Variants in FBXO16 observed in about 807,000 individuals in gnomAD.
FBXO16 encodes F-box only protein 16.
FBXO16 carries 31 observed loss-of-function variants against 41.0 expected under a neutral mutation model. That is an observed-to-expected ratio of 0.76 (90% CI 0.57 to 1.02). The LOEUF (loss-of-function observed/expected upper bound fraction) is 1.02. Ranked by LOEUF, FBXO16 falls within the 50% of genes least tolerant of loss-of-function variation. The pLI is 0.00. For synonymous variants in FBXO16, 133 were observed against 117.8 expected, an observed-to-expected ratio of 1.13 and a Z score of -0.84; for missense variants, 361 against 346.2, an observed-to-expected ratio of 1.04 and a Z score of -0.34.
In FBXO16 at chr8:28,465,170, T is replaced by C. The variant is rs1803214428; in HGVS notation, c.136-1352A>G. ...TTGATATATATTTTTTAATTAGTAG[T>C]GTTAAAAAACAAAATGTCAACAAAT... On this transcript the variant is annotated intron_variant, in intron 3 of 8. Transcript: ENST00000380254. The C allele has an allele frequency of 1.9e-5, 3 of 161,892 alleles. No homozygotes were observed. In the Admixed American group the frequency reaches 1.9e-4, roughly 10 times the overall value. The allele number at this position is 161,892 out of a possible 1,614,324, so 10.0% of individuals were successfully genotyped here.
chr8:28,466,841 T>C (rs1803251679), intron 3 of FBXO16, among the ~76,000 whole-genome samples: 1 of 151,950 alleles, frequency 6.6e-6, no homozygotes, highest in African/African-American at 2.4e-5. Flanking sequence ...AGCTGGGGAG[T>C]GAAGGCAGAT....
intron 3 of FBXO16, among the ~76,000 whole-genome samples, chr8:28,468,704 T>C (rs996726426): frequency 6.6e-6 from 1 of 151,970 alleles, no homozygotes; most frequent in Non-Finnish European, 1.5e-5. Flanking sequence ...AATAAAAAGA[T>C]GGGCATGTTG....
chr8:28,434,732 T>A (rs1470373451), intron 7 of FBXO16, among the ~76,000 whole-genome samples: 1 of 152,240 alleles, frequency 6.6e-6, no homozygotes. Context: ...AGGGGTGCCC[T>A]GTCTACTGGG....
chr8:28,457,062 G>A (rs981963789), intron 4 of FBXO16, 132 bp from the exon 5 acceptor site: 40 of 860,486 alleles, frequency 4.6e-5, no homozygotes, highest in Non-Finnish European at 6.7e-5. Flanking sequence ...CCAAACCATA[G>A]CTTAAATGGT....
intron 5 of FBXO16, among the ~76,000 whole-genome samples, chr8:28,454,205 A>G (rs1466488732): frequency 6.6e-6 from 1 of 151,802 alleles, no homozygotes; most frequent in Non-Finnish European, 1.5e-5. Context: ...TTAAGAAGAC[A>G]TTTCATATTT....
intron 2 of FBXO16, among the ~76,000 whole-genome samples, chr8:28,481,053 G>A (rs1305647905): frequency 1.7e-5 from 2 of 117,732 alleles, no homozygotes. Flanking sequence ...GGGTTCACTC[G>A]GGGGCCCCGA....
At chr8:28,457,032 A>C in intron 4 of FBXO16, 102 bp from the exon 5 acceptor site, 1 of 1,313,936 alleles carries the variant, frequency 7.6e-7, no homozygotes, top group Non-Finnish European at 1.0e-6. Context: ...GACCTGAGAA[A>C]ACTTTTTTGT....
intron 2 of FBXO16, among the ~76,000 whole-genome samples, chr8:28,481,687 G>A (rs1280913199): frequency 6.6e-6 from 1 of 151,956 alleles, no homozygotes; most frequent in East Asian, 1.9e-4. Context: ...GTGTGCGCCT[G>A]TAGTCCCAGC....
chr8:28,450,449 T>C (rs1290232422), intron 6 of FBXO16, among the ~76,000 whole-genome samples: 1 of 152,170 alleles, frequency 6.6e-6, no homozygotes, highest in Admixed American at 6.5e-5. Context: ...TTTAGACAAA[T>C]TGGACTTCAT....
At chr8:28,467,135 G>A (rs1803257166) in intron 3 of FBXO16, among the ~76,000 whole-genome samples, 1 of 152,092 alleles carries the variant, frequency 6.6e-6, no homozygotes, top group East Asian at 1.9e-4. Flanking sequence ...GCAGTGCTAT[G>A]TGAGTCTGGT....
At chr8:28,454,029 G>A (rs1387888376) in intron 5 of FBXO16, among the ~76,000 whole-genome samples, 1 of 151,946 alleles carries the variant, frequency 6.6e-6, no homozygotes, top group Non-Finnish European at 1.5e-5. Context: ...AGCCAGGTGT[G>A]GTGGCGCATG....
At chr8:28,440,073 G>T (rs908079532) in intron 7 of FBXO16, among the ~76,000 whole-genome samples, 1 of 149,508 alleles carries the variant, frequency 6.7e-6, no homozygotes, top group Non-Finnish European at 1.5e-5. Context: ...AACCCATGGG[G>T]CCCCATAGCA....
rs116123545 is a variant in FBXO16 at position 28,432,706 on chromosome 8, G to A, written c.844-3303C>T. Among the ~76,000 whole-genome samples the A allele has an allele frequency of 4.8e-3, 733 of 152,218 alleles. 4 individuals are homozygous for A. The highest frequency in any genetic ancestry group is 0.016 in the African/African-American group (661 of 41,534). ...GCTGTCTGCTTTCTGGTAGGTGGAC[G>A]TTGCCAATGGCCATGCCGTCCATCA... On this transcript the variant is annotated intron_variant, in intron 7 of 8. Coordinates refer to ENST00000380254, the MANE Select transcript of FBXO16 (RefSeq NM_172366.4).
At chr8:28,477,378 C>T (rs1220429278) in intron 2 of FBXO16, among the ~76,000 whole-genome samples, 4 of 152,172 alleles carry the variant, frequency 2.6e-5, no homozygotes, top group East Asian at 3.8e-4. Context: ...GCTGTCTCCT[C>T]GGGCATCTAT....
chr8:28,437,834 C>G (rs1452512393), intron 7 of FBXO16, among the ~76,000 whole-genome samples: 2 of 152,076 alleles, frequency 1.3e-5, no homozygotes, highest in African/African-American at 4.8e-5. Context: ...GATTGCACTG[C>G]TCCAGTCCAG....
intron 3 of FBXO16, 51 bp from the exon 4 acceptor site, chr8:28,463,869 TAGC>T: frequency 6.5e-7 from 1 of 1,541,520 alleles, no homozygotes; most frequent in Non-Finnish European, 8.9e-7. Context: ...TTTAGTCTGA[TAGC>T]AGATTCATTA....
At chr8:28,477,726 C>G (rs1159579168) in intron 2 of FBXO16, among the ~76,000 whole-genome samples, 1 of 152,174 alleles carries the variant, frequency 6.6e-6, no homozygotes, top group Admixed American at 6.6e-5. Context: ...TTGGGAAAAA[C>G]CAGTATTAAC....
intron 3 of FBXO16, among the ~76,000 whole-genome samples, chr8:28,472,329 G>A (rs920253202): frequency 6.6e-6 from 1 of 152,000 alleles, no homozygotes; most frequent in African/African-American, 2.4e-5. Context: ...TCAAACTCCC[G>A]GCCTTAAGCT....
At chr8:28,450,020 C>CA (rs1018784125) in intron 6 of FBXO16, among the ~76,000 whole-genome samples, 1 of 150,658 alleles carries the variant, frequency 6.6e-6, no homozygotes, top group African/African-American at 2.4e-5. Context: ...ATAAACGTCC[C>CA]AAAAGAAGAT....
Sources: allele counts gnomAD v4.1 joint callset (sites outside exome capture counted in the v4.1 genomes callset), GRCh38; gene constraint gnomAD v4.1.1; transcripts MANE v1.5; gene names NCBI Gene and HGNC (gene_info 2026-07-23, HGNC 2026-07-21).